DENND1B: variants seen among roughly 807,000 people sequenced by gnomAD.
DENND1B encodes DENN domain-containing protein 1B.
DENND1B carries 59 observed loss-of-function variants against 90.1 expected under a neutral mutation model. That is an observed-to-expected ratio of 0.65 (90% CI 0.53 to 0.81). The LOEUF (loss-of-function observed/expected upper bound fraction) is 0.81, where lower values mean the gene tolerates loss of function less well. Ranked by LOEUF, DENND1B falls within the 40% of genes least tolerant of loss-of-function variation. The probability of loss-of-function intolerance (pLI) is 0.00; values close to 1 mark genes in which losing one functional copy is unlikely to be tolerated. For synonymous variants in DENND1B, 337 were observed against 324.6 expected (o/e 1.04, Z -0.41); for missense variants, 862 against 912.6 (o/e 0.94, Z 0.71).
chr1:197,599,675 G>A (rs1263632485), intron 13 of DENND1B, among the ~76,000 whole-genome samples: 1 of 151,744 alleles, frequency 6.6e-6, no homozygotes, highest in East Asian at 1.9e-4. Flanking sequence ...AGTTTATTAA[G>A]AAGCAAAATT....
chr1:197,517,260 T>C (rs1020479746), intron 20 of DENND1B, among the ~76,000 whole-genome samples: 3 of 151,858 alleles, frequency 2.0e-5, no homozygotes, highest in African/African-American at 4.8e-5. Flanking sequence ...AAGTACAGAA[T>C]AGCAGCTTAC....
chr1:197,579,686 A>G (rs762424312), intron 15 of DENND1B, among the ~76,000 whole-genome samples: 24 of 152,154 alleles, frequency 1.6e-4, no homozygotes, highest in Non-Finnish European at 2.8e-4. Context: ...CTCTATGTCT[A>G]TCAACTTCCT....
intron 5 of DENND1B, among the ~76,000 whole-genome samples, chr1:197,670,015 T>C (rs145307321): frequency 1.1e-3 from 168 of 152,278 alleles, no homozygotes; most frequent in African/African-American, 4.0e-3. Context: ...AAAAATAATT[T>C]GATTATTGTA....
At chr1:197,775,556 G>C (rs1338198494), upstream of DENND1B, 2 of 158,622 alleles carry the variant, frequency 1.3e-5, no homozygotes, top group African/African-American at 2.4e-5. Context: ...CGTGCGGCTC[G>C]CAAGTCGGAG....
intron 20 of DENND1B, among the ~76,000 whole-genome samples, chr1:197,538,448 C>A (rs1238607142): frequency 6.6e-6 from 1 of 152,124 alleles, no homozygotes; most frequent in Non-Finnish European, 1.5e-5. Context: ...TTAGAACAGA[C>A]AATCAGTACT....
chr1:197,537,077 T>C (rs1483071139), intron 20 of DENND1B, among the ~76,000 whole-genome samples: 2 of 151,456 alleles, frequency 1.3e-5, no homozygotes, highest in Admixed American at 1.3e-4. Flanking sequence ...AACACACAGA[T>C]ATATTTACCT....
At position 197,684,446 on chromosome 1, in the gene DENND1B, C is replaced by T. The variant is rs181511908; in HGVS notation, c.127-10277G>A. ...AATCAGCAGATGCCTAAATGTGATG[C>T]CTCCTTGATCCTTATACAATGTATA... On this transcript the variant is annotated intron_variant, in intron 3 of 22. Transcript: ENST00000620048. Among the ~76,000 whole-genome samples, 505 of 152,252 alleles carry T rather than the reference C, an allele frequency of 3.3e-3. 2 individuals are homozygous for T. Among genetic ancestry groups the T allele is most frequent in the South Asian group, 9.1e-3 (44 of 4,820 alleles).
chr1:197,607,811 AAT>A (rs1676826243), intron 12 of DENND1B, among the ~76,000 whole-genome samples: 1 of 150,748 alleles, frequency 6.6e-6, no homozygotes, highest in Non-Finnish European at 1.5e-5. Context: ...GTTTAATCAA[AAT>A]AGTCAAATTA....
At chr1:197,666,931 T>G (rs886601672) in intron 5 of DENND1B, among the ~76,000 whole-genome samples, 1 of 152,082 alleles carries the variant, frequency 6.6e-6, no homozygotes, top group Admixed American at 6.5e-5. Context: ...TTCAGGCGAT[T>G]GAGACCATCC....
intron 10 of DENND1B, among the ~76,000 whole-genome samples, chr1:197,626,440 G>A (rs1572110195): frequency 6.6e-6 from 1 of 151,920 alleles, no homozygotes; most frequent in Admixed American, 6.6e-5. Context: ...CATAAATAAT[G>A]AAATGAAGGC....
intron 20 of DENND1B, among the ~76,000 whole-genome samples, chr1:197,522,158 A>G (rs1175641354): frequency 4.6e-5 from 7 of 152,092 alleles, no homozygotes; most frequent in Non-Finnish European, 1.5e-5. Context: ...TGTTCCAGGT[A>G]GGTGAGATGT....
rs543797596 is a variant in DENND1B at position 197,602,585 on chromosome 1, CT to C, written c.921+4487del. Among the ~76,000 whole-genome samples the C allele has an allele frequency of 2.0e-4, 30 of 150,978 alleles. No homozygotes were observed. The South Asian group carries it at 3.4e-3, about 17-fold the overall frequency. On this transcript the variant is annotated intron_variant, in intron 13 of 22. Transcript: ENST00000620048. ...AACTAATATAATATTCTCTGGGGCC[CT>C]TTTTTTTCTTTATAACATATATTAT... is the stretch of plus-strand genomic sequence containing the variant.
chr1:197,674,633 T>A (rs1242357730), intron 3 of DENND1B, among the ~76,000 whole-genome samples: 2 of 148,690 alleles, frequency 1.3e-5, no homozygotes, highest in Non-Finnish European at 3.0e-5. Flanking sequence ...TACTGAGAGG[T>A]ATAACAACTC....
chr1:197,643,159 C>A (rs1269614161), intron 9 of DENND1B, among the ~76,000 whole-genome samples: 3 of 151,764 alleles, frequency 2.0e-5, no homozygotes, highest in Non-Finnish European at 4.4e-5. Flanking sequence ...TAGTGTATGT[C>A]CCCAAGAATC....
chr1:197,609,036 C>T (rs547275048), intron 12 of DENND1B, among the ~76,000 whole-genome samples: 1 of 149,942 alleles, frequency 6.7e-6, no homozygotes, highest in African/African-American at 2.4e-5. Flanking sequence ...CCAAATTAGA[C>T]TTCAGCTATT....
intron 20 of DENND1B, among the ~76,000 whole-genome samples, chr1:197,537,661 A>G (rs888619008): frequency 2.0e-5 from 3 of 152,038 alleles, no homozygotes; most frequent in African/African-American, 2.4e-5. Flanking sequence ...ATCATGTTAT[A>G]CACGTTAAAT....
chr1:197,735,980 A>G (rs1465371435), intron 2 of DENND1B: 2 of 1,206,412 alleles, frequency 1.7e-6, no homozygotes, highest in Non-Finnish European at 2.4e-6. Context: ...CTAAGGAAGC[A>G]AAAAAGGCTA....
At chr1:197,616,776 T>A (rs996731953) in intron 11 of DENND1B, among the ~76,000 whole-genome samples, 2 of 151,170 alleles carry the variant, frequency 1.3e-5, no homozygotes, top group Non-Finnish European at 3.0e-5. Flanking sequence ...ACATTAGCTG[T>A]GAAATAAGCA....
intron 12 of DENND1B, among the ~76,000 whole-genome samples, chr1:197,611,568 A>G (rs887651219): frequency 4.0e-5 from 6 of 150,780 alleles, no homozygotes; most frequent in African/African-American, 9.7e-5. Context: ...TTCATGACTC[A>G]TAAGTACATA....
Sources: allele counts gnomAD v4.1 joint callset (sites outside exome capture counted in the v4.1 genomes callset), GRCh38; gene constraint gnomAD v4.1.1; transcripts MANE v1.5; gene names NCBI Gene and HGNC (gene_info 2026-07-23, HGNC 2026-07-21).